ZNF143: variants seen among roughly 807,000 people sequenced by gnomAD.
ZNF143 encodes the protein zinc finger protein 143.
In ZNF143, 49 loss-of-function variants were observed where a neutral mutation model predicts 74.1. The observed-to-expected ratio is 0.66, with a 90% CI of 0.53 to 0.84. The LOEUF is 0.84. Among genes scored for constraint, ZNF143 ranks in the 40% least tolerant of loss-of-function variants. The probability of loss-of-function intolerance (pLI) is 0.00; values close to 1 mark genes in which losing one functional copy is unlikely to be tolerated. For missense variants in ZNF143, 637 were observed against 793.4 expected (o/e 0.80, Z 2.37); for synonymous variants, 304 against 282.8 (o/e 1.07, Z -0.75).
intron 11 of ZNF143, among the ~76,000 whole-genome samples, chr11:9,502,963 T>C (rs2134109682): frequency 6.6e-6 from 1 of 152,186 alleles, no homozygotes; most frequent in Non-Finnish European, 1.5e-5. Context: ...CCCAAGTAGC[T>C]GGGACTATAG....
chr11:9,491,461 C>A (rs1015542119), intron 7 of ZNF143, among the ~76,000 whole-genome samples: 15 of 151,820 alleles, frequency 9.9e-5, no homozygotes, highest in Admixed American at 3.3e-4. Context: ...ACGGTGAAAC[C>A]CCGTCTCTAC....
intron 11 of ZNF143, among the ~76,000 whole-genome samples, chr11:9,502,128 G>A (rs1315076581): frequency 6.7e-6 from 1 of 149,180 alleles, no homozygotes; most frequent in Admixed American, 6.7e-5. Flanking sequence ...TAGAGACGGG[G>A]TTTCTCCATG....
In ZNF143 at chr11:9,474,022, G is replaced by C; in HGVS notation, c.287G>C (p.Ser96Thr). Residue 96 changes from serine to threonine, a missense_variant and splice_region_variant, in exon 4 of 16, where the codon AGT (serine) becomes ACT (threonine). Around this residue, in one of 2 missense-constraint regions of ZNF143, gnomAD observed 293 missense variants for 307.8 expected, o/e 0.95. Transcript: ENST00000396602. ...GTTCAACATGTACCCATACCTAAAA[G>C]TAGTAAGTATTTAAGATAACAGCAC... ...AYVQHVPIPK[S>T]TGDSLRLEDG... 1 of 1,610,140 alleles carries C rather than the reference G, an allele frequency of 6.2e-7. No individual in the cohort carries two copies. Among genetic ancestry groups the C allele is most frequent in the Non-Finnish European group, 8.5e-7 (1 of 1,176,594 alleles).
intron 12 of ZNF143, 53 bp downstream of exon 12, chr11:9,508,899 T>G (rs1848449993): frequency 6.7e-7 from 1 of 1,499,474 alleles, no homozygotes; most frequent in South Asian, 1.2e-5. Flanking sequence ...TCAACAGTTA[T>G]GAACATAATT....
intron 14 of ZNF143, among the ~76,000 whole-genome samples, chr11:9,521,573 T>A (rs925545181): frequency 6.6e-6 from 1 of 150,686 alleles, no homozygotes. Flanking sequence ...TTTTTTTTGT[T>A]TTTTTTTTGT....
intron 5 of ZNF143, among the ~76,000 whole-genome samples, chr11:9,476,850 C>G (rs1299481735): frequency 7.2e-6 from 1 of 138,424 alleles, no homozygotes; most frequent in African/African-American, 2.7e-5. Context: ...AGCTCCGCCT[C>G]CTGGGTTCAC....
chr11:9,517,730 AAG>A (rs1490945409), intron 14 of ZNF143, among the ~76,000 whole-genome samples: 1 of 152,184 alleles, frequency 6.6e-6, no homozygotes, highest in Non-Finnish European at 1.5e-5. Flanking sequence ...CTCTTGAAAA[AAG>A]AATGAAGTTG....
intron 3 of ZNF143, among the ~76,000 whole-genome samples, chr11:9,473,409 A>G (rs568365348): frequency 7.0e-6 from 1 of 143,296 alleles, no homozygotes; most frequent in African/African-American, 2.6e-5. Flanking sequence ...AAAAAAAAAG[A>G]CATTTGGTTT....
intron 7 of ZNF143, among the ~76,000 whole-genome samples, chr11:9,486,396 AATATATTATATATATAAT>A (rs1435934448): frequency 9.2e-4 from 11 of 11,914 alleles, no homozygotes; most frequent in East Asian, 3.1e-3. Context: ...TAATATATAT[AATATATTATATATATAAT>A]ATATATTATA....
At chr11:9,507,190 C>T (rs1848395228) in intron 11 of ZNF143, among the ~76,000 whole-genome samples, 1 of 152,072 alleles carries the variant, frequency 6.6e-6, no homozygotes, top group South Asian at 2.1e-4. Flanking sequence ...TTTAGAACCA[C>T]TGCGAAAGGT....
At chr11:9,474,157 A>T (rs1856747447) in intron 4 of ZNF143, 133 bp downstream of exon 4, 1 of 741,652 alleles carries the variant, frequency 1.3e-6, no homozygotes, top group Admixed American at 2.3e-5. Flanking sequence ...GAGATTATAG[A>T]TGCCACAGAG....
At chr11:9,512,675 G>A (rs745765972) in intron 13 of ZNF143, 79 bp downstream of exon 13, 1 of 1,570,292 alleles carries the variant, frequency 6.4e-7, no homozygotes, top group Non-Finnish European at 8.7e-7. Context: ...TCCCCATTGA[G>A]GAAAGCTTTG....
intron 12 of ZNF143, among the ~76,000 whole-genome samples, chr11:9,511,895 G>A (rs1006625039): frequency 2.0e-5 from 3 of 151,654 alleles, no homozygotes; most frequent in African/African-American, 7.3e-5. Context: ...GGGACTACAG[G>A]CGCCCGCCAC....
At chr11:9,469,629 A>G (rs1856456018) in intron 1 of ZNF143, among the ~76,000 whole-genome samples, 1 of 152,172 alleles carries the variant, frequency 6.6e-6, no homozygotes, top group Admixed American at 6.6e-5. Context: ...TTCTATGAAC[A>G]GTTATAGATT....
In ZNF143 at chr11:9,525,356, A is replaced by T; in HGVS notation, c.1803A>T (p.Ala601=). The change falls in exon 15 of 16, where the codon GCA becomes GCT. Residue 601 remains alanine, a synonymous_variant. Coordinates refer to ENST00000396602, the MANE Select transcript of ZNF143 (RefSeq NM_003442.6). ...AAACCAGACCTCTGACCTTAGTAGCAACATCCAATGGCACCCAGATTGCAG... is the reference window on the plus strand; with the variant it reads ...AAACCAGACCTCTGACCTTAGTAGCTACATCCAATGGCACCCAGATTGCAG... ...TTETRPLTLV[A]TSNGTQIAVQ... is the part of the protein sequence containing the mutation. The T allele has an allele frequency of 6.2e-7, 1 of 1,614,176 alleles. No homozygotes were observed. The highest frequency in any genetic ancestry group is 8.5e-7 in the Non-Finnish European group (1 of 1,180,018).
chr11:9,506,553 A>G (rs1313539968), intron 11 of ZNF143, among the ~76,000 whole-genome samples: 1 of 152,194 alleles, frequency 6.6e-6, no homozygotes, highest in Non-Finnish European at 1.5e-5. Flanking sequence ...CCTGTCTGCA[A>G]AGATTCTGAC....
At chr11:9,518,017 A>G (rs1250697277) in intron 14 of ZNF143, among the ~76,000 whole-genome samples, 2 of 152,222 alleles carry the variant, frequency 1.3e-5, no homozygotes, top group Admixed American at 6.5e-5. Flanking sequence ...AACGGACTGT[A>G]TTGAGAATGT....
At chr11:9,488,623 A>G (rs1847652530) in intron 7 of ZNF143, among the ~76,000 whole-genome samples, 1 of 152,182 alleles carries the variant, frequency 6.6e-6, no homozygotes, top group Admixed American at 6.6e-5. Context: ...ATCTTTTCAT[A>G]GACTCCTGTG....
chr11:9,462,492 G>T (rs1855925644), intron 1 of ZNF143, among the ~76,000 whole-genome samples: 1 of 151,798 alleles, frequency 6.6e-6, no homozygotes, highest in African/African-American at 2.4e-5. Context: ...GAGCCCAGGA[G>T]TTCCAGGCTG....
Sources: gnomAD v4.1 joint callset for allele counts (sites outside exome capture counted in the v4.1 genomes callset) on GRCh38, gnomAD v4.1.1 for gene constraint, gnomAD v4.1.1 regional missense constraint, MANE v1.5 for transcripts, NCBI Gene and HGNC (gene_info 2026-07-23, HGNC 2026-07-21) for gene names.